The following DST variants were observed in gnomAD, a reference collection of about 807,000 sequenced individuals.
The protein encoded by DST is dystonin.
Under a neutral mutation model 875.2 loss-of-function variants are expected in DST, and 253 were observed. The observed-to-expected ratio is 0.29, with a 90% CI of 0.26 to 0.32. The LOEUF is 0.32. Ranked by LOEUF, DST falls within the 10% of genes least tolerant of loss-of-function variation. DST has a pLI of 1.00. For synonymous variants in DST, 3,124 were observed against 3,197.1 expected (o/e 0.98, Z 0.77); for missense variants, 8,287 against 9,111.6 (o/e 0.91, Z 3.68).
intron 2 of DST, among the ~76,000 whole-genome samples, chr6:56,938,191 T>C (rs1814263941): frequency 6.6e-6 from 1 of 151,862 alleles, no homozygotes; most frequent in African/African-American, 2.4e-5. Flanking sequence ...TGGAATGCAG[T>C]GGCATGATCA....
At chr6:56,917,305 C>T (rs539093120) in intron 2 of DST, among the ~76,000 whole-genome samples, 2 of 152,290 alleles carry the variant, frequency 1.3e-5, no homozygotes, top group Admixed American at 6.5e-5. Context: ...ATAATTTATG[C>T]TGAGTAAAGA....
chr6:56,625,029 T>A, intron 35 of DST, 128 bp downstream of exon 35: 2 of 726,706 alleles, frequency 2.8e-6, no homozygotes, highest in Non-Finnish European at 4.9e-6. Context: ...CATTAAACTG[T>A]ACATTTAAAA....
intron 2 of DST, among the ~76,000 whole-genome samples, chr6:56,940,320 C>T (rs562767388): frequency 4.6e-5 from 7 of 150,906 alleles, no homozygotes; most frequent in African/African-American, 1.5e-4. Flanking sequence ...TATTTCTTAA[C>T]CAACTTCACT....
chr6:56,749,642 G>A (rs2099581857), intron 4 of DST, among the ~76,000 whole-genome samples: 1 of 152,100 alleles, frequency 6.6e-6, no homozygotes, highest in Non-Finnish European at 1.5e-5. Flanking sequence ...GAGTTTAAGA[G>A]TATTTTTTCA....
At position 56,938,108 on chromosome 6, in the gene DST, C is replaced by CTCTATATA. The variant is rs1383243392; in HGVS notation, c.216+15676_216+15677insTATATAGA. Among the ~76,000 whole-genome samples, 178 of 120,738 alleles carry CTCTATATA rather than the reference C, an allele frequency of 1.5e-3. 1 individual carries two copies. The highest frequency in any genetic ancestry group is 5.6e-3 in the African/African-American group (161 of 28,608). The allele number at this position is 120,738 out of a possible 152,430, so 79.2% of individuals were successfully genotyped here. ...TCTCTCTCTCTCTCTCTCTCTCTCT[C>CTCTATATA]TATATATATATATATATATATATGT... On this transcript the variant is annotated intron_variant, in intron 2 of 103. Coordinates refer to ENST00000680361, the MANE Select transcript of DST (RefSeq NM_001374736.1).
chr6:56,476,554 G>A (rs763831191), intron 91 of DST, among the ~76,000 whole-genome samples: 6 of 152,182 alleles, frequency 3.9e-5, no homozygotes, highest in Non-Finnish European at 8.8e-5. Flanking sequence ...ATTTAAAGAT[G>A]CATGTCAATC....
intron 9 of DST, among the ~76,000 whole-genome samples, chr6:56,673,267 CAAAACAAAAA>C (rs1433501536): frequency 6.6e-6 from 1 of 151,816 alleles, no homozygotes; most frequent in African/African-American, 2.4e-5. Context: ...CAAAACAAAA[CAAAACAAAAA>C]AAGAAATAAA....
chr6:56,637,594 G>C (rs1384593052), intron 22 of DST, among the ~76,000 whole-genome samples: 1 of 152,132 alleles, frequency 6.6e-6, no homozygotes, highest in Non-Finnish European at 1.5e-5. Context: ...GAATTATAAT[G>C]ATGATAATAC....
At chr6:56,638,028 T>C (rs2152773458) in intron 22 of DST, among the ~76,000 whole-genome samples, 1 of 152,294 alleles carries the variant, frequency 6.6e-6, no homozygotes, top group South Asian at 2.1e-4. Context: ...ATTATCCATG[T>C]ACCCAAACAA....
chr6:56,652,132 C>T (rs1360826214), intron 10 of DST, among the ~76,000 whole-genome samples: 1 of 152,142 alleles, frequency 6.6e-6, no homozygotes, highest in Non-Finnish European at 1.5e-5. Flanking sequence ...GTCACACATC[C>T]CAGACTTCAT....
intron 61 of DST, among the ~76,000 whole-genome samples, chr6:56,545,783 C>T (rs781254020): frequency 2.6e-5 from 4 of 152,084 alleles, no homozygotes; most frequent in South Asian, 2.1e-4. Context: ...TGTAAGTAAA[C>T]GCACTATTAT....
intron 3 of DST, among the ~76,000 whole-genome samples, chr6:56,864,239 T>C (rs1398344781): frequency 1.3e-5 from 2 of 152,194 alleles, no homozygotes; most frequent in African/African-American, 4.8e-5. Context: ...ATCAGCTCTT[T>C]CCTGAATTTC....
At chr6:56,889,640 A>G (rs368029269) in intron 3 of DST, among the ~76,000 whole-genome samples, 1 of 152,224 alleles carries the variant, frequency 6.6e-6, no homozygotes, top group African/African-American at 2.4e-5. Flanking sequence ...GTGTGCAAAA[A>G]ACTGGAATCA....
chr6:56,918,364 A>T (rs35860642), intron 2 of DST, among the ~76,000 whole-genome samples: 24,463 of 151,946 alleles, frequency 0.16, 2,154 homozygotes, highest in Middle Eastern at 0.24. Context: ...CGACCTCAAG[A>T]GATCCACCCA....
Position 56,484,467 on chromosome 6 carries a change from T to C in DST, c.21207+845A>G, listed in dbSNP as rs568202062. On this transcript the variant is annotated intron_variant, in intron 88 of 103. Transcript: ENST00000680361. Reference sequence around the variant, plus strand: ...TTTAAAAAGAATGGTAAGATCAAAATAGCATAACCAATATAAAGAGAACAT... The same window carrying C: ...TTTAAAAAGAATGGTAAGATCAAAACAGCATAACCAATATAAAGAGAACAT... The C allele has an allele frequency of 9.9e-5, 15 of 152,174 alleles. No individual in the cohort carries two copies. The South Asian group carries it at 2.1e-3, about 21-fold the overall frequency. The allele number at this position is 152,174 out of a possible 1,614,324, so 9.4% of individuals were successfully genotyped here.
chr6:56,619,380 T>G (rs753243772), intron 36 of DST: 1 of 1,613,628 alleles, frequency 6.2e-7, no homozygotes, highest in Non-Finnish European at 8.5e-7. Context: ...ATTTTATCAT[T>G]ATTTTCTTTT....
chr6:56,835,055 T>C (rs1426030313), intron 4 of DST, among the ~76,000 whole-genome samples: 1 of 152,210 alleles, frequency 6.6e-6, no homozygotes, highest in Non-Finnish European at 1.5e-5. Flanking sequence ...GGAGGAACTT[T>C]AAATGCATAT....
intron 4 of DST, among the ~76,000 whole-genome samples, chr6:56,751,302 G>GA (rs1173357622): frequency 6.6e-6 from 1 of 152,008 alleles, no homozygotes; most frequent in Non-Finnish European, 1.5e-5. Context: ...CACCAATAGG[G>GA]AAAAAATGCT....
At chr6:56,872,676 G>T (rs1442770538) in intron 3 of DST, among the ~76,000 whole-genome samples, 1 of 152,136 alleles carries the variant, frequency 6.6e-6, no homozygotes, top group African/African-American at 2.4e-5. Context: ...TGGAAAAAGA[G>T]ACCATATCAT....
Sources: gnomAD v4.1 joint callset for allele counts (sites outside exome capture counted in the v4.1 genomes callset) on GRCh38, gnomAD v4.1.1 for gene constraint, MANE v1.5 for transcripts, NCBI Gene and HGNC (gene_info 2026-07-23, HGNC 2026-07-21) for gene names.